Variants in SMARCA2 observed in about 807,000 individuals in gnomAD.
SMARCA2 encodes SWI/SNF-related matrix-associated actin-dependent regulator of chromatin subfamily A member 2.
Under a neutral mutation model 199.8 loss-of-function variants are expected in SMARCA2, and 61 were observed. The ratio of observed to expected loss-of-function variants is 0.31; its 90% CI spans 0.25 to 0.38. SMARCA2 has a LOEUF of 0.38. SMARCA2 is among the 10% of genes least tolerant of loss of function. The probability of loss-of-function intolerance (pLI) is 1.00; values close to 1 mark genes in which losing one functional copy is unlikely to be tolerated. For missense variants in SMARCA2, 1,344 were observed against 2,012.2 expected, an observed-to-expected ratio of 0.67 and a Z score of 6.35; for synonymous variants, 935 against 732.0, an observed-to-expected ratio of 1.28 and a Z score of -4.48.
chr9:2,083,505 G>A, intron 16 of SMARCA2, 92 bp downstream of exon 16: 2 of 770,402 alleles, frequency 2.6e-6, no homozygotes, highest in Non-Finnish European at 4.3e-6. Context: ...AACTGTATTT[G>A]GTTGTAAAGT....
intron 27 of SMARCA2, among the ~76,000 whole-genome samples, chr9:2,128,036 T>C (rs984339844): frequency 1.1e-4 from 16 of 152,310 alleles, no homozygotes; most frequent in Admixed American, 8.5e-4. Context: ...ATGTCCTTAG[T>C]GTTAGCTGGT....
At chr9:2,108,853 A>C (rs1822869125) in intron 23 of SMARCA2, among the ~76,000 whole-genome samples, 2 of 152,210 alleles carry the variant, frequency 1.3e-5, no homozygotes, top group South Asian at 4.2e-4. Context: ...CCAAAATCTA[A>C]ACTCGGACAG....
chr9:2,162,661 G>A (rs927236038), intron 28 of SMARCA2: 3 of 152,110 alleles, frequency 2.0e-5, no homozygotes, highest in Admixed American at 1.3e-4. Context: ...ATGGCTTCTC[G>A]TTTCAGTTGA....
intron 27 of SMARCA2, among the ~76,000 whole-genome samples, chr9:2,150,721 C>G (rs1423506607): frequency 6.6e-6 from 1 of 151,602 alleles, no homozygotes; most frequent in Non-Finnish European, 1.5e-5. Context: ...TAAAATACCA[C>G]AGATTGGTGG....
chr9:2,189,080 T>TAATTTCCCCATCTCAGG (rs1827695116), intron 32 of SMARCA2, among the ~76,000 whole-genome samples: 1 of 152,220 alleles, frequency 6.6e-6, no homozygotes, highest in South Asian at 2.1e-4. Flanking sequence ...TAATCCACTA[T>TAATTTCCCCATCTCAGG]AATTTCCCCA....
chr9:2,178,186 TTC>T (rs367735948), intron 29 of SMARCA2, among the ~76,000 whole-genome samples: 158 of 152,270 alleles, frequency 1.0e-3, no homozygotes, highest in Middle Eastern at 6.8e-3. Flanking sequence ...GTCTGTTCAC[TTC>T]CATGAAGAGG....
At chr9:2,181,719 G>GTT in intron 30 of SMARCA2, 43 bp downstream of exon 30, 1 of 1,035,136 alleles carries the variant, frequency 9.7e-7, no homozygotes. Context: ...AGTAAATAAA[G>GTT]GAGCAGTGTA....
intron 4 of SMARCA2, among the ~76,000 whole-genome samples, chr9:2,046,533 T>G (rs1013944963): frequency 6.6e-6 from 1 of 152,206 alleles, no homozygotes; most frequent in African/African-American, 2.4e-5. Context: ...ACTTCACTGA[T>G]TAAACCTGAA....
chr9:2,184,862 C>CTCTCTT (rs397954812), intron 31 of SMARCA2, among the ~76,000 whole-genome samples: 1 of 150,906 alleles, frequency 6.6e-6, no homozygotes, highest in Admixed American at 6.6e-5. Context: ...CTCTCTCTCT[C>CTCTCTT]GCGCGGGTCC....
At chr9:2,078,367 G>C (rs1171172434) in intron 14 of SMARCA2, among the ~76,000 whole-genome samples, 1 of 152,038 alleles carries the variant, frequency 6.6e-6, no homozygotes, top group East Asian at 1.9e-4. Context: ...GGCTACTCTG[G>C]AGGCTGAAGC....
At chr9:2,140,566 A>T (rs969003174) in intron 27 of SMARCA2, among the ~76,000 whole-genome samples, 7 of 152,292 alleles carry the variant, frequency 4.6e-5, no homozygotes, top group African/African-American at 1.7e-4. Flanking sequence ...TTGGGTTTTT[A>T]TGTAAACTGT....
At chr9:2,073,676 G>A (rs1821186421) in intron 12 of SMARCA2, 53 bp downstream of exon 12, 1 of 1,385,960 alleles carries the variant, frequency 7.2e-7, no homozygotes, top group Non-Finnish European at 1.0e-6. Flanking sequence ...ATCAGAGGAA[G>A]AAATTCTTCC....
In SMARCA2 at chr9:2,047,317, A is replaced by G; in HGVS notation, c.879A>G (p.Ala293=). The change falls in exon 5 of 34, where the codon GCA becomes GCG. Residue 293 remains alanine (A), a synonymous_variant. Coordinates refer to ENST00000349721, the MANE Select transcript of SMARCA2 (RefSeq NM_003070.5). ...GCCGGCCCTCGCCCGCGCCCCCCGC[A>G]GCCGCGCAGCCGCCCGCGGCCGCAG... is the stretch of plus-strand genomic sequence containing the variant. ...PGGRPSPAPP[A]AAQPPAAAVP... 1 of 1,039,002 alleles carries G rather than the reference A, an allele frequency of 9.6e-7. No homozygotes were observed. Among genetic ancestry groups the G allele is most frequent in the Non-Finnish European group, 1.2e-6 (1 of 858,620 alleles). The allele number at this position is 1,039,002 out of a possible 1,614,324, so 64.4% of individuals were successfully genotyped here. A position where few individuals can be genotyped will look rare whatever the true frequency, so the allele number is the denominator to read the frequency against.
At chr9:2,031,649 C>G (rs1052256627) in intron 2 of SMARCA2, among the ~76,000 whole-genome samples, 9 of 152,076 alleles carry the variant, frequency 5.9e-5, no homozygotes, top group Admixed American at 2.6e-4. Flanking sequence ...TCTCTCTACC[C>G]TCTTAAATAC....
Position 2,100,987 on chromosome 9 carries a change from C to T in SMARCA2, c.3079-583C>T, listed in dbSNP as rs190443742. Among the ~76,000 whole-genome samples the T allele has an allele frequency of 7.9e-4, 120 of 152,082 alleles. 1 individual carries two copies. Among genetic ancestry groups the T allele is most frequent in the African/African-American group, 2.7e-3 (113 of 41,466 alleles). ...ATGTGAGGCAAGTGAAAAGGGAAAC[C>T]CCTTACAAAGCCACGAGATCTCGTG... is the stretch of plus-strand genomic sequence containing the variant. On this transcript the variant is annotated intron_variant, in intron 21 of 33. Coordinates refer to ENST00000349721, the MANE Select transcript of SMARCA2 (RefSeq NM_003070.5).
intron 1 of SMARCA2, among the ~76,000 whole-genome samples, chr9:2,028,161 A>C (rs1399092683): frequency 6.6e-6 from 1 of 152,236 alleles, no homozygotes; most frequent in Non-Finnish European, 1.5e-5. Flanking sequence ...GACCAGAGCC[A>C]GGTCTGGGAC....
Position 2,123,692 on chromosome 9 carries a change from C to T in SMARCA2, c.3763-27C>T, listed in dbSNP as rs751009103. 5 of 1,603,212 alleles carry T rather than the reference C, an allele frequency of 3.1e-6. No individual in the cohort carries two copies. Among genetic ancestry groups the T allele is most frequent in the Non-Finnish European group, 3.4e-6 (4 of 1,171,112 alleles). ...TGCACCATACAGAAGCCCTGACTTTCGGTGACCCTCTTATTAATGTCTCCA... is the reference window on the plus strand; with the variant it reads ...TGCACCATACAGAAGCCCTGACTTTTGGTGACCCTCTTATTAATGTCTCCA... On this transcript the variant is annotated intron_variant, in intron 26 of 33. Transcript: ENST00000349721. The surrounding 1 kb of genome is among the most constrained non-coding windows in gnomAD (Gnocchi z 4.1).
intron 5 of SMARCA2, among the ~76,000 whole-genome samples, chr9:2,052,431 G>T (rs565543849): frequency 6.6e-6 from 1 of 152,196 alleles, no homozygotes; most frequent in Admixed American, 6.5e-5. Flanking sequence ...AGCAGAGATA[G>T]TGCCACTGCA....
At chr9:2,108,518 T>C (rs982879403) in intron 23 of SMARCA2, among the ~76,000 whole-genome samples, 2 of 152,204 alleles carry the variant, frequency 1.3e-5, no homozygotes, top group African/African-American at 2.4e-5. Flanking sequence ...CCTGAGAGTA[T>C]AGATGTATAG....
Sources: gnomAD v4.1 joint callset for allele counts (sites outside exome capture counted in the v4.1 genomes callset) on GRCh38, gnomAD v4.1.1 for gene constraint, Gnocchi (gnomAD v3.1) non-coding constraint, MANE v1.5 for transcripts, NCBI Gene and HGNC (gene_info 2026-07-23, HGNC 2026-07-21) for gene names.